Variants in DSCAM observed in about 807,000 individuals in gnomAD.
DSCAM encodes cell adhesion molecule DSCAM.
Under a neutral mutation model 217.7 loss-of-function variants are expected in DSCAM, and 47 were observed. The ratio of observed to expected loss-of-function variants is 0.22; its 90% CI spans 0.17 to 0.28. DSCAM has a LOEUF of 0.28. DSCAM is among the 10% of genes least tolerant of loss of function. DSCAM has a pLI of 1.00. For missense variants in DSCAM, 2,080 were observed against 2,618.3 expected (o/e 0.79, Z 4.49); for synonymous variants, 1,056 against 1,015.3 (o/e 1.04, Z -0.76).
intron 9 of DSCAM, among the ~76,000 whole-genome samples, chr21:40,296,831 C>CAAAAAAAAAA (rs58219836): frequency 9.3e-5 from 5 of 53,818 alleles, no homozygotes; most frequent in African/African-American, 2.3e-4. Context: ...AACTCCATCT[C>CAAAAAAAAAA]AAAAAAAAAA....
At chr21:40,685,941 A>G (rs2090467904) in intron 3 of DSCAM, among the ~76,000 whole-genome samples, 1 of 76,988 alleles carries the variant, frequency 1.3e-5, no homozygotes, top group Non-Finnish European at 3.0e-5. Context: ...GCAAACAAAA[A>G]CAAAAACAAA....
At chr21:40,714,238 G>C (rs1422599400) in intron 1 of DSCAM, among the ~76,000 whole-genome samples, 1 of 152,176 alleles carries the variant, frequency 6.6e-6, no homozygotes, top group Non-Finnish European at 1.5e-5. Context: ...CTGTCCACTA[G>C]AGTAATGCCT....
At chr21:40,813,689 C>T (rs1382194833) in intron 1 of DSCAM, among the ~76,000 whole-genome samples, 1 of 150,016 alleles carries the variant, frequency 6.7e-6, no homozygotes, top group Non-Finnish European at 1.5e-5. Context: ...GCTCTGTCAC[C>T]CAGGCTGGAG....
intron 1 of DSCAM, among the ~76,000 whole-genome samples, chr21:40,738,540 C>A (rs1305970677): frequency 1.3e-5 from 2 of 152,192 alleles, no homozygotes; most frequent in Non-Finnish European, 2.9e-5. Flanking sequence ...TTCCTCTACA[C>A]AACAATTCAG....
At chr21:40,276,616 T>C (rs1263365109) in intron 10 of DSCAM, among the ~76,000 whole-genome samples, 1 of 152,154 alleles carries the variant, frequency 6.6e-6, no homozygotes, top group Non-Finnish European at 1.5e-5. Flanking sequence ...ACTCTCATGG[T>C]GCTAAATAAA....
At chr21:40,027,180 T>C (rs1210485535) in intron 32 of DSCAM, among the ~76,000 whole-genome samples, 2 of 152,244 alleles carry the variant, frequency 1.3e-5, no homozygotes, top group Non-Finnish European at 2.9e-5. Context: ...AAAATTCTTT[T>C]CTTTAAGAAT....
chr21:40,584,576 C>T (rs1446317297), intron 3 of DSCAM, among the ~76,000 whole-genome samples: 1 of 152,126 alleles, frequency 6.6e-6, no homozygotes, highest in African/African-American at 2.4e-5. Context: ...TCATCAACAT[C>T]ACTGTTCTCA....
chr21:40,756,487 G>A (rs1485561403), intron 1 of DSCAM, among the ~76,000 whole-genome samples: 4 of 152,050 alleles, frequency 2.6e-5, no homozygotes, highest in Admixed American at 2.6e-4. Flanking sequence ...TGCCTCCCAG[G>A]TTCAAGTGAT....
At position 40,692,884 on chromosome 21, in the gene DSCAM, C is replaced by T. The variant is rs776222655; in HGVS notation, c.434G>A (p.Cys145Tyr). The T allele has an allele frequency of 3.7e-6, 6 of 1,613,880 alleles. No individual in the cohort carries two copies. In the East Asian group the frequency reaches 6.7e-5, roughly 18 times the overall value. ...CGCCTCCACCGAGGAGGGGATAATG[C>T]ACTTGAAGACCGCAACATTGCCTCT... ...TMRGNVAVFK[C>Y]IIPSSVEAYI... The change falls in exon 3 of 33, where the codon TGC becomes TAC. Residue 145 changes from cysteine (C) to tyrosine (Y), a missense_variant. This residue lies in a region of DSCAM where 568 missense variants were observed against 678.1 expected (regional missense o/e 0.84). Coordinates refer to ENST00000400454, the MANE Select transcript of DSCAM (RefSeq NM_001389.5).
intron 3 of DSCAM, among the ~76,000 whole-genome samples, chr21:40,437,571 C>A (rs1387280736): frequency 6.6e-6 from 1 of 152,064 alleles, no homozygotes; most frequent in African/African-American, 2.4e-5. Flanking sequence ...GAAGAGCCAG[C>A]CAGGGGTGGT....
chr21:40,845,540 C>CCTCTCTCTCTTT (rs2092137143), intron 1 of DSCAM, among the ~76,000 whole-genome samples: 1 of 138,888 alleles, frequency 7.2e-6, no homozygotes, highest in South Asian at 2.6e-4. Flanking sequence ...CTCTTCTTCT[C>CCTCTCTCTCTTT]CTCTCTCTCT....
At chr21:40,490,381 C>T (rs2076067059) in intron 3 of DSCAM, among the ~76,000 whole-genome samples, 1 of 152,120 alleles carries the variant, frequency 6.6e-6, no homozygotes, top group East Asian at 1.9e-4. Flanking sequence ...GGATTCTAGA[C>T]ATTTTAATTT....
chr21:40,712,602 T>G (rs1371607232), intron 1 of DSCAM, among the ~76,000 whole-genome samples: 3 of 152,238 alleles, frequency 2.0e-5, no homozygotes, highest in African/African-American at 7.2e-5. Flanking sequence ...CTGTGTGTGT[T>G]TCGTAAATGC....
At chr21:40,151,164 T>C (rs1320440088) in intron 16 of DSCAM, among the ~76,000 whole-genome samples, 1 of 152,160 alleles carries the variant, frequency 6.6e-6, no homozygotes, top group Non-Finnish European at 1.5e-5. Context: ...CCTCTCTGAC[T>C]GCCTGAAAAA....
At chr21:40,376,070 A>G (rs1180383733) in intron 3 of DSCAM, among the ~76,000 whole-genome samples, 1 of 152,190 alleles carries the variant, frequency 6.6e-6, no homozygotes, top group African/African-American at 2.4e-5. Flanking sequence ...CACTTAGAGA[A>G]ATATATCTTA....
chr21:40,532,363 G>A (rs960104897), intron 3 of DSCAM, among the ~76,000 whole-genome samples: 3 of 152,094 alleles, frequency 2.0e-5, no homozygotes, highest in African/African-American at 7.2e-5. Context: ...GAACTATTTT[G>A]TGACAGAATC....
rs56815777 is a variant in DSCAM at position 40,739,954 on chromosome 21, A to ATTTT, written c.44-31187_44-31184dup. On this transcript the variant is annotated intron_variant, in intron 1 of 32. Coordinates refer to ENST00000400454, the MANE Select transcript of DSCAM (RefSeq NM_001389.5). ...GCCACCTCTAGATGATGCAGGTGTA[A>ATTTT]TTTTTTTTTTTTTTTTTTTTTTTTT... 1.0e-3 allele frequency among the ~76,000 whole-genome samples: 61 copies of ATTTT among 58,978 alleles called. 1 individual carries two copies. Among genetic ancestry groups the ATTTT allele is most frequent in the African/African-American group, 3.3e-3 (49 of 14,940 alleles). 38.7% of individuals were successfully genotyped at this position (58,978 alleles called of 152,430 possible). A position where few individuals can be genotyped will look rare whatever the true frequency, so the allele number is the denominator to read the frequency against.
Position 40,144,347 on chromosome 21 carries a change from A to C in DSCAM, c.3259+144T>G. On this transcript the variant is annotated intron_variant, in intron 17 of 32. Transcript: ENST00000400454. This position sits in a 1 kb window ranked among gnomAD's most constrained non-coding sequence, Gnocchi z 4.8. ...GCGGGGTGGGCGAGGTCACGAGGGA[A>C]GGCTTTTCCACCCGAGACCCCAGGC... 1 of 1,336,844 alleles carries C rather than the reference A, an allele frequency of 7.5e-7. No homozygotes were observed. 82.8% of individuals were successfully genotyped at this position (1,336,844 alleles called of 1,614,324 possible).
intron 1 of DSCAM, among the ~76,000 whole-genome samples, chr21:40,769,770 CCTAA>C (rs1452264750): frequency 6.6e-6 from 1 of 152,128 alleles, no homozygotes; most frequent in Non-Finnish European, 1.5e-5. Flanking sequence ...ATCTGATCAC[CCTAA>C]CTATCTGATC....
Sources: allele counts gnomAD v4.1 joint callset (sites outside exome capture counted in the v4.1 genomes callset), GRCh38; gene constraint gnomAD v4.1.1; regional missense constraint gnomAD v4.1.1; non-coding constraint Gnocchi (gnomAD v3.1); transcripts MANE v1.5; gene names NCBI Gene and HGNC (gene_info 2026-07-23, HGNC 2026-07-21).